Variants in PIAS2 observed in about 807,000 individuals in gnomAD.
The protein encoded by PIAS2 is E3 SUMO-protein ligase PIAS2.
A neutral mutation model predicts 69.7 loss-of-function variants in PIAS2; 19 were observed. The observed-to-expected ratio is 0.27, with a 90% CI of 0.19 to 0.40. PIAS2 has a LOEUF of 0.40. Among genes scored for constraint, PIAS2 ranks in the 10% least tolerant of loss-of-function variants. PIAS2 has a pLI of 1.00. For missense variants in PIAS2, 624 were observed against 757.0 expected, an observed-to-expected ratio of 0.82 and a Z score of 2.06; for synonymous variants, 261 against 263.2, an observed-to-expected ratio of 0.99 and a Z score of 0.08.
intron 1 of PIAS2, among the ~76,000 whole-genome samples, chr18:46,894,243 C>G (rs1350075329): frequency 6.6e-6 from 1 of 152,156 alleles, no homozygotes; most frequent in African/African-American, 2.4e-5. Context: ...TTACCAGATC[C>G]CACTTCCTCT....
intron 3 of PIAS2, among the ~76,000 whole-genome samples, chr18:46,856,470 G>A (rs1647833365): frequency 6.6e-6 from 1 of 152,078 alleles, no homozygotes; most frequent in Admixed American, 6.6e-5. Flanking sequence ...TCATAATTAT[G>A]TATCCAATTA....
intron 8 of PIAS2, among the ~76,000 whole-genome samples, chr18:46,840,925 A>C (rs2045288289): frequency 6.6e-6 from 1 of 152,052 alleles, no homozygotes; most frequent in African/African-American, 2.4e-5. Context: ...AGAGTTTTTA[A>C]GTTGAAAAGG....
chr18:46,879,916 C>T (rs531872951), intron 2 of PIAS2, among the ~76,000 whole-genome samples: 2 of 151,996 alleles, frequency 1.3e-5, no homozygotes, highest in African/African-American at 4.8e-5. Flanking sequence ...TGGTGGTTGC[C>T]AGGAGCTGGG....
intron 2 of PIAS2, among the ~76,000 whole-genome samples, chr18:46,880,092 A>AG (rs1240126767): frequency 6.7e-6 from 1 of 150,204 alleles, no homozygotes; most frequent in Non-Finnish European, 1.5e-5. Context: ...ACCACAGTAA[A>AG]AAAAAAAAAA....
At chr18:46,846,484 T>C in intron 6 of PIAS2, 1 of 325,998 alleles carries the variant, frequency 3.1e-6, no homozygotes, top group Non-Finnish European at 5.6e-6. Context: ...AATATGCATA[T>C]TTCCTTTCCA....
At chr18:46,889,036 C>T (rs1270483931) in intron 2 of PIAS2, among the ~76,000 whole-genome samples, 1 of 152,120 alleles carries the variant, frequency 6.6e-6, no homozygotes, top group Admixed American at 6.5e-5. Flanking sequence ...TATCCACAAA[C>T]AAAAGAACAA....
At position 46,807,383 on chromosome 18, in the gene PIAS2, A is replaced by ATATATTT. The variant is rs869149927; in HGVS notation, c.*5049_*5050insAAATATA. On this transcript the variant is annotated 3_prime_UTR_variant, in exon 14 of 14. Coordinates refer to ENST00000585916, the MANE Select transcript of PIAS2 (RefSeq NM_004671.5). ...TATATATATATATATATATATATAT[A>ATATATTT]TTTTTTTTTTTTTTTTTTTTTTTTT... The ATATATTT allele has an allele frequency of 2.8e-3, 33 of 11,604 alleles. 1 individual carries two copies. The highest frequency in any genetic ancestry group is 4.0e-3 in the Non-Finnish European group (30 of 7,458). The allele number at this position is 11,604 out of a possible 1,614,324, so 0.7% of individuals were successfully genotyped here. A position where few individuals can be genotyped will look rare whatever the true frequency, so the allele number is the denominator to read the frequency against.
intron 5 of PIAS2, among the ~76,000 whole-genome samples, chr18:46,854,090 G>A (rs1293640016): frequency 6.6e-6 from 1 of 152,184 alleles, no homozygotes; most frequent in African/African-American, 2.4e-5. Context: ...CACAGGCTGT[G>A]TATGCGACAA....
intron 8 of PIAS2, among the ~76,000 whole-genome samples, chr18:46,840,793 G>GA (rs2145175390): frequency 6.6e-6 from 1 of 152,082 alleles, no homozygotes; most frequent in Non-Finnish European, 1.5e-5. Flanking sequence ...ATGCTTTTTT[G>GA]AAATTTATTA....
In PIAS2 at chr18:46,891,021, G is replaced by C. The variant is rs1173169164; in HGVS notation, c.58C>G (p.Gln20Glu). 6.2e-7 allele frequency: 1 copy of C among 1,605,430 alleles called. No individual in the cohort carries two copies. Among genetic ancestry groups the C allele is most frequent in the Non-Finnish European group, 8.5e-7 (1 of 1,175,560 alleles). The change falls in exon 2 of 14, where the codon CAA becomes GAA. Residue 20 changes from glutamine to glutamate, a missense_variant. Physicochemically the swap from Gln to Glu is conservative, Grantham distance 29. Transcript: ENST00000585916. Reference protein sequence around the residue: ...MVSSFRVSELQVLLGFAGRNK... With the variant: ...MVSSFRVSELEVLLGFAGRNK... ...CGTCCAGCAAAGCCTAGTAATACTT[G>C]TAGTTCAGAAACCCTAAAACTAGAA...
intron 2 of PIAS2, among the ~76,000 whole-genome samples, chr18:46,870,346 T>A (rs1180859745): frequency 1.3e-5 from 2 of 152,118 alleles, no homozygotes; most frequent in Admixed American, 6.5e-5. Context: ...CCGGGTGCAG[T>A]GGCTCAAGCC....
chr18:46,892,090 G>A (rs1051176069), intron 1 of PIAS2, among the ~76,000 whole-genome samples: 7 of 151,920 alleles, frequency 4.6e-5, no homozygotes, highest in African/African-American at 7.3e-5. Flanking sequence ...AACCCAGCCC[G>A]TGCTACACAC....
At chr18:46,883,502 A>G (rs540762504) in intron 2 of PIAS2, among the ~76,000 whole-genome samples, 27 of 152,244 alleles carry the variant, frequency 1.8e-4, no homozygotes, top group African/African-American at 6.0e-4. Context: ...CAGGAGTTCA[A>G]GACCAGCCTG....
rs546042497 is a variant in PIAS2 at position 46,891,260 on chromosome 18, T to C, written c.25-206A>G. On this transcript the variant is annotated intron_variant, in intron 1 of 13. Transcript: ENST00000585916. ...TTCAAGTTACGGTGTTAATTATATTTTGTTGTACAAGATCTTAATTTTGGT... is the reference window on the plus strand; with the variant it reads ...TTCAAGTTACGGTGTTAATTATATTCTGTTGTACAAGATCTTAATTTTGGT... 128 of 673,340 alleles carry C rather than the reference T, an allele frequency of 1.9e-4. No homozygotes were observed. In the African/African-American group the frequency reaches 2.1e-3, roughly 11 times the overall value. The allele number at this position is 673,340 out of a possible 1,614,324, so 41.7% of individuals were successfully genotyped here.
chr18:46,901,070 T>C (rs1398667216), intron 1 of PIAS2: 1 of 400,976 alleles, frequency 2.5e-6, no homozygotes, highest in East Asian at 8.2e-5. Context: ...TCCAAATTCA[T>C]TTTATGAAAC....
At chr18:46,871,118 T>C (rs2050297218) in intron 2 of PIAS2, among the ~76,000 whole-genome samples, 1 of 152,188 alleles carries the variant, frequency 6.6e-6, no homozygotes, top group African/African-American at 2.4e-5. Flanking sequence ...CATTTTGTTA[T>C]GAACAGTTGG....
chr18:46,909,111 A>AT (rs1320364590), intron 1 of PIAS2, among the ~76,000 whole-genome samples: 1 of 152,174 alleles, frequency 6.6e-6, no homozygotes, highest in African/African-American at 2.4e-5. Context: ...GTATGAAATA[A>AT]TTTTTTTAAA....
intron 2 of PIAS2, among the ~76,000 whole-genome samples, chr18:46,870,727 G>A (rs1198027400): frequency 6.6e-6 from 1 of 151,610 alleles, no homozygotes; most frequent in Non-Finnish European, 1.5e-5. Context: ...GTATACTTGG[G>A]CAGAGTTAAT....
intron 11 of PIAS2, among the ~76,000 whole-genome samples, chr18:46,826,313 C>T (rs2042844116): frequency 6.6e-6 from 1 of 152,082 alleles, no homozygotes; most frequent in Non-Finnish European, 1.5e-5. Flanking sequence ...TATGTGCCAT[C>T]CCTCCTGTTT....
Sources: allele counts gnomAD v4.1 joint callset (sites outside exome capture counted in the v4.1 genomes callset), GRCh38; gene constraint gnomAD v4.1.1; transcripts MANE v1.5; gene names NCBI Gene and HGNC (gene_info 2026-07-23, HGNC 2026-07-21).